The following RERE variants were observed in gnomAD, a reference collection of about 807,000 sequenced individuals.
The protein encoded by RERE is arginine-glutamic acid dipeptide repeats.
In RERE, 40 loss-of-function variants were observed where a neutral mutation model predicts 146.1. That is an observed-to-expected ratio of 0.27 (90% CI 0.21 to 0.36). The LOEUF (loss-of-function observed/expected upper bound fraction) is 0.36. RERE is among the 10% of genes least tolerant of loss of function. RERE has a pLI of 1.00. For missense variants in RERE, 1,933 were observed against 2,138.7 expected, an observed-to-expected ratio of 0.90 and a Z score of 1.90; for synonymous variants, 1,003 against 866.0, an observed-to-expected ratio of 1.16 and a Z score of -2.78.
At chr1:8,437,568 C>G (rs1416081641) in intron 11 of RERE, among the ~76,000 whole-genome samples, 3 of 152,038 alleles carry the variant, frequency 2.0e-5, no homozygotes, top group Non-Finnish European at 4.4e-5. Flanking sequence ...GGTAATGGGC[C>G]CCACCACAAG....
chr1:8,713,268 T>C (rs1265026532), intron 1 of RERE, among the ~76,000 whole-genome samples: 1 of 152,244 alleles, frequency 6.6e-6, no homozygotes, highest in African/African-American at 2.4e-5. Context: ...ACAAGTTTTC[T>C]ATTGATTACC....
At chr1:8,453,816 A>T (rs1368281302) in intron 11 of RERE, among the ~76,000 whole-genome samples, 3 of 151,410 alleles carry the variant, frequency 2.0e-5, no homozygotes, top group Non-Finnish European at 4.4e-5. Flanking sequence ...CTCAAAAAAA[A>T]ATTTTTTTTT....
At chr1:8,726,810 T>A (rs1295011254) in intron 1 of RERE, among the ~76,000 whole-genome samples, 2 of 152,116 alleles carry the variant, frequency 1.3e-5, no homozygotes, top group Non-Finnish European at 2.9e-5. Context: ...CTGACGTTTA[T>A]TTATTTATTT....
chr1:8,786,746 A>G (rs1641266384), intron 1 of RERE: 1 of 778,222 alleles, frequency 1.3e-6, no homozygotes, highest in African/African-American at 1.7e-5. Flanking sequence ...TCAGTTCTGT[A>G]CATCTGCCTA....
intron 12 of RERE, among the ~76,000 whole-genome samples, chr1:8,390,215 AACG>A (rs1438380982): frequency 6.6e-6 from 1 of 152,184 alleles, no homozygotes; most frequent in Non-Finnish European, 1.5e-5. Flanking sequence ...ATCTGACAAG[AACG>A]ACGGCATACA....
chr1:8,486,074 A>T (rs1271188641), intron 10 of RERE, among the ~76,000 whole-genome samples: 1 of 152,212 alleles, frequency 6.6e-6, no homozygotes, highest in Non-Finnish European at 1.5e-5. Flanking sequence ...CTGGAATTAC[A>T]GGCGTAAGCC....
intron 6 of RERE, among the ~76,000 whole-genome samples, chr1:8,546,240 C>A (rs1263972785): frequency 2.7e-5 from 4 of 150,922 alleles, no homozygotes; most frequent in African/African-American, 7.3e-5. Context: ...CTTGGCCTCT[C>A]AAAATGTTGG....
intron 1 of RERE, among the ~76,000 whole-genome samples, chr1:8,765,901 A>C (rs1008228867): frequency 7.2e-5 from 11 of 152,134 alleles, no homozygotes; most frequent in Non-Finnish European, 1.6e-4. Flanking sequence ...GCAGTGAGTC[A>C]AGATCGCACC....
At chr1:8,502,712 T>C (rs1476451504) in intron 8 of RERE, among the ~76,000 whole-genome samples, 13 of 150,524 alleles carry the variant, frequency 8.6e-5, no homozygotes, top group African/African-American at 2.2e-4. Flanking sequence ...TAGAAGTAGA[T>C]ATGGGAGACT....
intron 8 of RERE, among the ~76,000 whole-genome samples, chr1:8,502,791 C>T (rs981881447): frequency 2.7e-5 from 4 of 146,974 alleles, no homozygotes; most frequent in African/African-American, 1.0e-4. Context: ...ACCTTATCCC[C>T]AACCCTGTGC....
intron 4 of RERE, among the ~76,000 whole-genome samples, chr1:8,571,518 C>T (rs1646220691): frequency 6.6e-6 from 1 of 152,152 alleles, no homozygotes; most frequent in Admixed American, 6.5e-5. Context: ...TACCAATAAA[C>T]AAATTCAAAT....
Position 8,432,159 on chromosome 1 carries a change from A to G in RERE, c.1204-9352T>C, listed in dbSNP as rs143917436. On this transcript the variant is annotated intron_variant, in intron 11 of 22. Coordinates refer to ENST00000400908, the MANE Select transcript of RERE (RefSeq NM_001042681.2). ...ACCTGTGACAATTCCTAGTACGTCC[A>G]AACTATCGGTCTGCTAGTTAGTTAA... Among the ~76,000 whole-genome samples the G allele has an allele frequency of 2.2e-3, 340 of 152,276 alleles. 1 individual carries two copies. Among genetic ancestry groups the G allele is most frequent in the African/African-American group, 7.3e-3 (305 of 41,538 alleles).
chr1:8,611,636 T>C (rs1276160025), intron 4 of RERE, among the ~76,000 whole-genome samples: 1 of 152,158 alleles, frequency 6.6e-6, no homozygotes, highest in African/African-American at 2.4e-5. Context: ...GCTAAAAGAA[T>C]TAAAATGCTA....
In RERE at chr1:8,362,831, C is replaced by G. The variant is rs751036629; in HGVS notation, c.1754G>C (p.Arg585Pro). 7 of 1,612,218 alleles carry G rather than the reference C, an allele frequency of 4.3e-6. No individual in the cohort carries two copies. The highest frequency in any genetic ancestry group is 5.9e-6 in the Non-Finnish European group (7 of 1,179,096). ...GGCTGGCTGCTTCTTCCGACCACTG[C>G]GTAGTGTCGACATCTGCCCACCCAA... ...RRSRGSMSTLRSGRKKQPASP... is the reference protein window; with the variant it reads ...RRSRGSMSTLPSGRKKQPASP... Residue 585 changes from arginine (R) to proline (P), a missense_variant, in exon 16 of 23, where the codon CGC becomes CCC. By Grantham distance (103) the Arg-to-Pro change is moderately radical. Transcript: ENST00000400908.
chr1:8,681,717 A>C (rs1638975793), intron 1 of RERE, among the ~76,000 whole-genome samples: 1 of 152,198 alleles, frequency 6.6e-6, no homozygotes, highest in Non-Finnish European at 1.5e-5. Flanking sequence ...AATACTAGAG[A>C]TCAACAAAGA....
chr1:8,394,638 C>T (rs1354921105), intron 12 of RERE, among the ~76,000 whole-genome samples: 1 of 152,158 alleles, frequency 6.6e-6, no homozygotes, highest in African/African-American at 2.4e-5. Flanking sequence ...TCACTCAGTG[C>T]TGGAGAGGGG....
chr1:8,405,082 A>G (rs1416538984), intron 12 of RERE, among the ~76,000 whole-genome samples: 1 of 152,186 alleles, frequency 6.6e-6, no homozygotes, highest in Non-Finnish European at 1.5e-5. Context: ...AAGTTTTCGA[A>G]GAAAAAGGAG....
chr1:8,505,619 C>T (rs899985859), intron 8 of RERE, among the ~76,000 whole-genome samples: 10 of 152,192 alleles, frequency 6.6e-5, no homozygotes, highest in African/African-American at 2.4e-4. Context: ...CTGCTTCAAC[C>T]GCCTAGGCTC....
chr1:8,615,965 T>C (rs1400540352), intron 3 of RERE, among the ~76,000 whole-genome samples: 1 of 152,178 alleles, frequency 6.6e-6, no homozygotes, highest in Non-Finnish European at 1.5e-5. Context: ...AGTGATAGTA[T>C]AGCTGACAGA....
Sources: gnomAD v4.1 joint callset for allele counts (sites outside exome capture counted in the v4.1 genomes callset) on GRCh38, gnomAD v4.1.1 for gene constraint, MANE v1.5 for transcripts, NCBI Gene and HGNC (gene_info 2026-07-23, HGNC 2026-07-21) for gene names.